Variants in KCNQ5 observed in about 807,000 individuals in gnomAD.
KCNQ5 encodes the protein potassium voltage-gated channel subfamily KQT member 5.
Under a neutral mutation model 98.2 loss-of-function variants are expected in KCNQ5, and 30 were observed. The observed-to-expected ratio is 0.31, with a 90% confidence interval of 0.23 to 0.41. KCNQ5 has a LOEUF of 0.41. Among genes scored for constraint, KCNQ5 ranks in the 10% least tolerant of loss-of-function variants. KCNQ5 has a pLI of 1.00. For missense variants in KCNQ5, 835 were observed against 1,182.5 expected (o/e 0.71, Z 4.31); for synonymous variants, 458 against 449.4 (o/e 1.02, Z -0.24).
At chr6:73,193,511 T>TAAAATAAAATAAAATAAAATAA (rs1765676977) in intron 13 of KCNQ5, among the ~76,000 whole-genome samples, 1 of 120,176 alleles carries the variant, frequency 8.3e-6, no homozygotes, top group Non-Finnish European at 1.8e-5. Flanking sequence ...AAATAAAATA[T>TAAAATAAAATAAAATAAAATAA]AAAATAAATA....
chr6:72,777,525 G>C (rs1773220026), intron 1 of KCNQ5, among the ~76,000 whole-genome samples: 3 of 150,802 alleles, frequency 2.0e-5, no homozygotes, highest in Non-Finnish European at 4.5e-5. Context: ...TTAGCCCCGA[G>C]CTACGTTTAC....
chr6:72,918,968 C>A (rs1404236660), intron 1 of KCNQ5, among the ~76,000 whole-genome samples: 1 of 152,140 alleles, frequency 6.6e-6, no homozygotes, highest in African/African-American at 2.4e-5. Flanking sequence ...CTCTCGTCTT[C>A]TTTTCTCTCT....
intron 1 of KCNQ5, among the ~76,000 whole-genome samples, chr6:72,938,181 G>T (rs574238568): frequency 3.3e-5 from 5 of 152,176 alleles, no homozygotes; most frequent in African/African-American, 1.2e-4. Context: ...ATAAACTAAA[G>T]CATTTCCTGA....
chr6:72,754,952 G>A (rs919227930), intron 1 of KCNQ5, among the ~76,000 whole-genome samples: 1 of 151,274 alleles, frequency 6.6e-6, no homozygotes, highest in Non-Finnish European at 1.5e-5. Flanking sequence ...AGTTCTCTCA[G>A]TTTTTTACTT....
chr6:72,958,827 G>A (rs1767208443), intron 1 of KCNQ5, among the ~76,000 whole-genome samples: 1 of 152,104 alleles, frequency 6.6e-6, no homozygotes, highest in Non-Finnish European at 1.5e-5. Flanking sequence ...GAAAAAATGT[G>A]GTAACCATCC....
intron 1 of KCNQ5, among the ~76,000 whole-genome samples, chr6:72,867,057 TTAGTTTAA>T (rs2150158122): frequency 6.6e-6 from 1 of 152,338 alleles, no homozygotes; most frequent in African/African-American, 2.4e-5. Context: ...GGCTCACCTA[TTAGTTTAA>T]TAGTTCAGTG....
intron 5 of KCNQ5, among the ~76,000 whole-genome samples, chr6:73,104,621 C>T (rs763162291): frequency 1.3e-4 from 20 of 152,068 alleles, no homozygotes; most frequent in Non-Finnish European, 2.6e-4. Flanking sequence ...CTTTCAAAGC[C>T]CAGGTATGAT....
chr6:72,921,635 A>C (rs1316088857), intron 1 of KCNQ5, among the ~76,000 whole-genome samples: 1 of 152,164 alleles, frequency 6.6e-6, no homozygotes, highest in East Asian at 1.9e-4. Flanking sequence ...AAAATAAGAG[A>C]ATCTACTTCA....
Position 73,198,056 on chromosome 6 carries a change from C to T in KCNQ5, c.*2642C>T, listed in dbSNP as rs80290678. On this transcript the variant is annotated 3_prime_UTR_variant, in exon 14 of 14. Transcript: ENST00000370398. ...GTGGAAGCTATAAGGTTCTGTCTGT[C>T]GTGTTACTCTCTGTGGAAATGAGAG... The T allele has an allele frequency of 1.1e-4, 17 of 152,210 alleles. No individual in the cohort carries two copies. In the East Asian group the frequency reaches 2.1e-3, roughly 19 times the overall value. 9.4% of individuals were successfully genotyped at this position (152,210 alleles called of 1,614,324 possible).
At chr6:72,972,204 A>G (rs1767937452) in intron 1 of KCNQ5, among the ~76,000 whole-genome samples, 1 of 152,186 alleles carries the variant, frequency 6.6e-6, no homozygotes, top group African/African-American at 2.4e-5. Context: ...CCATGCCAGA[A>G]AGCCAGTTTT....
intron 1 of KCNQ5, among the ~76,000 whole-genome samples, chr6:72,874,889 C>G (rs1242505801): frequency 6.6e-6 from 1 of 152,142 alleles, no homozygotes; most frequent in Admixed American, 6.6e-5. Context: ...AAACATATAG[C>G]AGGGTTTATA....
chr6:73,008,354 G>A (rs1442392741), intron 2 of KCNQ5, among the ~76,000 whole-genome samples: 2 of 152,118 alleles, frequency 1.3e-5, no homozygotes, highest in Admixed American at 1.3e-4. Context: ...CTGTGTATAT[G>A]CTTAGTACAA....
chr6:73,195,681 G>GC lies in KCNQ5; in HGVS notation c.*267_*268insC. The stretch of plus-strand genomic sequence containing the variant: ...AACCAAACACAGCTAATGCTATGGG[G>GC]TGTATGAATATGTCAAGTTTAGGTC... On this transcript the variant is annotated 3_prime_UTR_variant, in exon 14 of 14. Coordinates refer to ENST00000370398, the MANE Select transcript of KCNQ5 (RefSeq NM_019842.4). 7.5e-6 allele frequency: 3 copies of GC among 401,040 alleles called. No individual in the cohort carries two copies. The highest frequency in any genetic ancestry group is 2.0e-5 in the African/African-American group (1 of 50,104). The allele number at this position is 401,040 out of a possible 1,614,324, so 24.8% of individuals were successfully genotyped here.
intron 11 of KCNQ5, among the ~76,000 whole-genome samples, chr6:73,189,143 C>T (rs1487222538): frequency 6.6e-6 from 1 of 152,100 alleles, no homozygotes; most frequent in African/African-American, 2.4e-5. Context: ...GACACTAAGA[C>T]TCTATGAAAC....
chr6:72,895,979 G>A (rs1407092506), intron 1 of KCNQ5, among the ~76,000 whole-genome samples: 1 of 151,872 alleles, frequency 6.6e-6, no homozygotes, highest in Non-Finnish European at 1.5e-5. Flanking sequence ...CACTGTAGAA[G>A]GATTTTTTTT....
chr6:72,810,901 A>G (rs1221041188), intron 1 of KCNQ5, among the ~76,000 whole-genome samples: 1 of 152,224 alleles, frequency 6.6e-6, no homozygotes, highest in Admixed American at 6.5e-5. Flanking sequence ...CTAAAACAGC[A>G]TGGTAACATT....
At chr6:73,135,674 G>A (rs1776441435) in intron 10 of KCNQ5, 1 of 152,204 alleles carries the variant, frequency 6.6e-6, no homozygotes, top group Admixed American at 6.5e-5. Flanking sequence ...ATGTAATGAT[G>A]TTTAATAGCT....
intron 1 of KCNQ5, among the ~76,000 whole-genome samples, chr6:72,680,927 G>A (rs1360634399): frequency 6.6e-6 from 1 of 152,158 alleles, no homozygotes. Context: ...TTTTAAGTGG[G>A]TGTTTAGCAA....
At chr6:73,035,861 C>T (rs1272762184) in intron 2 of KCNQ5, among the ~76,000 whole-genome samples, 1 of 152,116 alleles carries the variant, frequency 6.6e-6, no homozygotes, top group Non-Finnish European at 1.5e-5. Context: ...CCTGTGTATA[C>T]TTTACCCAAT....
Sources: gnomAD v4.1 joint callset for allele counts (sites outside exome capture counted in the v4.1 genomes callset) on GRCh38, gnomAD v4.1.1 for gene constraint, MANE v1.5 for transcripts, NCBI Gene and HGNC (gene_info 2026-07-23, HGNC 2026-07-21) for gene names.